The following WDR19 variants were observed in gnomAD, a reference collection of about 807,000 sequenced individuals.
WDR19 encodes the protein WD repeat domain 19.
In WDR19, 121 loss-of-function variants were observed where a neutral mutation model predicts 180.0. That is an observed-to-expected ratio of 0.67 (90% CI 0.58 to 0.78). The LOEUF (loss-of-function observed/expected upper bound fraction) is 0.78. WDR19 is among the 30% of genes least tolerant of loss of function. The probability of loss-of-function intolerance (pLI) is 0.00; values close to 1 mark genes in which losing one functional copy is unlikely to be tolerated. For synonymous variants in WDR19, 497 were observed against 540.7 expected (o/e 0.92, Z 1.12); for missense variants, 1,450 against 1,640.7 (o/e 0.88, Z 2.01).
At chr4:39,256,550 G>A (rs956972470) in intron 27 of WDR19, among the ~76,000 whole-genome samples, 6 of 152,136 alleles carry the variant, frequency 3.9e-5, no homozygotes, top group African/African-American at 1.4e-4. Flanking sequence ...GAAGCTTGGG[G>A]CTGCCAGTTT....
chr4:39,283,767 C>G (rs1242159667), intron 36 of WDR19, among the ~76,000 whole-genome samples: 2 of 152,052 alleles, frequency 1.3e-5, no homozygotes, highest in Non-Finnish European at 2.9e-5. Flanking sequence ...TGCCTGAATC[C>G]AAGTTTCCAT....
chr4:39,236,327 T>G (rs1731375376), intron 20 of WDR19, among the ~76,000 whole-genome samples: 1 of 151,912 alleles, frequency 6.6e-6, no homozygotes, highest in Admixed American at 6.6e-5. Context: ...TACTCAGCCA[T>G]AAAACAAGAA....
intron 36 of WDR19, among the ~76,000 whole-genome samples, chr4:39,285,069 A>G (rs1737040482): frequency 9.1e-6 from 1 of 110,162 alleles, no homozygotes; most frequent in Non-Finnish European, 1.8e-5. Context: ...TCTCCTAGGA[A>G]AAAAAAAAAG....
chr4:39,218,154 A>G, intron 14 of WDR19, 49 bp downstream of exon 14: 1 of 1,564,476 alleles, frequency 6.4e-7, no homozygotes, highest in South Asian at 1.2e-5. Flanking sequence ...TTTAATTTTT[A>G]TTTTGTGATC....
At chr4:39,193,850 A>C (rs1726434894) in intron 4 of WDR19, among the ~76,000 whole-genome samples, 1 of 152,212 alleles carries the variant, frequency 6.6e-6, no homozygotes, top group African/African-American at 2.4e-5. Flanking sequence ...CTGGGATCTG[A>C]GAACTGGCAT....
At chr4:39,262,601 G>C (rs921973305) in intron 28 of WDR19, among the ~76,000 whole-genome samples, 1 of 151,920 alleles carries the variant, frequency 6.6e-6, no homozygotes, top group Non-Finnish European at 1.5e-5. Flanking sequence ...CTTCACTCTT[G>C]CTCCTTACAC....
rs146343902 is a variant in WDR19 at position 39,238,349 on chromosome 4, C to G, written c.2364-1928C>G. ...TAACTTACTAAAGTCTGGGATTAAA[C>G]TAATGAGTTAGTTCCATATGAGAGC... On this transcript the variant is annotated intron_variant, in intron 20 of 36. Transcript: ENST00000399820. 2.3e-3 allele frequency among the ~76,000 whole-genome samples: 356 copies of G among 152,282 alleles called. 1 individual carries two copies. Among genetic ancestry groups the G allele is most frequent in the African/African-American group, 7.9e-3 (328 of 41,572 alleles).
chr4:39,240,009 C>T (rs1731748230), intron 20 of WDR19, among the ~76,000 whole-genome samples: 1 of 151,808 alleles, frequency 6.6e-6, no homozygotes, highest in African/African-American at 2.4e-5. Flanking sequence ...CTTGTCTCTA[C>T]AAAACATTCT....
intron 32 of WDR19, 92 bp downstream of exon 32, chr4:39,273,153 T>C (rs936561688): frequency 1.6e-5 from 15 of 933,690 alleles, no homozygotes; most frequent in South Asian, 8.3e-5. Context: ...CCTCATACAC[T>C]AACTCGTTTA....
chr4:39,249,791 T>C lies in WDR19; in HGVS notation c.2730-3355T>C, dbSNP rs373810294. On this transcript the variant is annotated intron_variant, in intron 24 of 36. Coordinates refer to ENST00000399820, the MANE Select transcript of WDR19 (RefSeq NM_025132.4). ...ACACATACACTCCCCCAAGACTAAA[T>C]CAGGAAGAAGTTGAATCTCTGAATA... Among the ~76,000 whole-genome samples the C allele has an allele frequency of 3.3e-5, 5 of 151,928 alleles. No individual in the cohort carries two copies. The East Asian group carries it at 7.7e-4, about 24-fold the overall frequency.
At chr4:39,233,266 G>A (rs966112964) in intron 19 of WDR19, among the ~76,000 whole-genome samples, 1 of 152,180 alleles carries the variant, frequency 6.6e-6, no homozygotes, top group Admixed American at 6.5e-5. Flanking sequence ...GAAGGGCCTG[G>A]TTAGTTCAAG....
rs767906377 is a variant in WDR19 at position 39,278,587 on chromosome 4, C to T, written c.3966C>T (p.Asn1322=). 11 of 1,613,622 alleles carry T rather than the reference C, an allele frequency of 6.8e-6. No individual in the cohort carries two copies. The highest frequency in any genetic ancestry group is 6.6e-5 in the South Asian group (6 of 91,022). ...GTCCTATGTGTTCAGAAAGATTAAA[C>T]GCTGCTCAGCTGAAAAAGATTTCAG... ...STCPMCSERL[N]AAQLKKISDC... is the part of the protein sequence containing the mutation. Residue 1322 remains asparagine (N), a synonymous_variant, in exon 36 of 37, where the codon AAC becomes AAT. Transcript: ENST00000399820.
chr4:39,252,957 T>C (rs556644203), intron 24 of WDR19, among the ~76,000 whole-genome samples, 189 bp from the exon 25 acceptor site: 6 of 152,324 alleles, frequency 3.9e-5, no homozygotes, highest in Admixed American at 2.0e-4. Context: ...TTACTGTTCA[T>C]TTATCAAATT....
chr4:39,195,819 T>C (rs898924269), intron 5 of WDR19, among the ~76,000 whole-genome samples: 1 of 152,248 alleles, frequency 6.6e-6, no homozygotes, highest in African/African-American at 2.4e-5. Context: ...GTTTTACATA[T>C]ATGTATCTCT....
At chr4:39,199,325 T>C (rs1355797137) in intron 5 of WDR19, among the ~76,000 whole-genome samples, 153 bp from the exon 6 acceptor site, 3 of 152,244 alleles carry the variant, frequency 2.0e-5, no homozygotes, top group Admixed American at 6.5e-5. Flanking sequence ...ACCTTGGTAA[T>C]AAACTGTTTT....
At chr4:39,239,617 A>T (rs911822532) in intron 20 of WDR19, among the ~76,000 whole-genome samples, 4 of 152,198 alleles carry the variant, frequency 2.6e-5, no homozygotes, top group African/African-American at 9.6e-5. Context: ...CCACCATGGC[A>T]CATGTTTACC....
At chr4:39,211,851 A>G (rs2109315240) in intron 9 of WDR19, among the ~76,000 whole-genome samples, 1 of 152,188 alleles carries the variant, frequency 6.6e-6, no homozygotes, top group Non-Finnish European at 1.5e-5. Context: ...AGGTTGATCT[A>G]TTGTTTAATG....
chr4:39,256,190 C>T (rs1733742990), intron 27 of WDR19, among the ~76,000 whole-genome samples: 1 of 152,222 alleles, frequency 6.6e-6, no homozygotes, highest in Non-Finnish European at 1.5e-5. Context: ...ACTGTCAGCT[C>T]AATCCAGGCC....
In WDR19 at chr4:39,197,653, T is replaced by G. The variant is rs141366958; in HGVS notation, c.407-1825T>G. On this transcript the variant is annotated intron_variant, in intron 5 of 36. Coordinates refer to ENST00000399820, the MANE Select transcript of WDR19 (RefSeq NM_025132.4). ...CATAGTGTCAAGCATGTGATTTCCC[T>G]GAAAAAAAAAATATATAGTTTTTGC... Among the ~76,000 whole-genome samples, 436 of 151,634 alleles carry G rather than the reference T, an allele frequency of 2.9e-3. 3 individuals carry two copies. Among genetic ancestry groups the G allele is most frequent in the Middle Eastern group, 6.8e-3 (2 of 294 alleles).
Sources: gnomAD v4.1 joint callset for allele counts (sites outside exome capture counted in the v4.1 genomes callset) on GRCh38, gnomAD v4.1.1 for gene constraint, MANE v1.5 for transcripts, NCBI Gene and HGNC (gene_info 2026-07-23, HGNC 2026-07-21) for gene names.